SRBD1: variants seen among roughly 807,000 people sequenced by gnomAD.
SRBD1 encodes the protein S1 RNA-binding domain-containing protein 1.
SRBD1 carries 88 observed loss-of-function variants against 115.3 expected under a neutral mutation model. The ratio of observed to expected loss-of-function variants is 0.76; its 90% CI spans 0.64 to 0.91. SRBD1 has a LOEUF of 0.91. SRBD1 is among the 40% of genes least tolerant of loss of function. The pLI is 0.00. For missense variants in SRBD1, 1,385 were observed against 1,177.4 expected, an observed-to-expected ratio of 1.18 and a Z score of -2.58; for synonymous variants, 509 against 407.7, an observed-to-expected ratio of 1.25 and a Z score of -2.99.
At chr2:45,389,851 A>G (rs549071188) in intron 20 of SRBD1, among the ~76,000 whole-genome samples, 29 of 152,342 alleles carry the variant, frequency 1.9e-4, no homozygotes, top group African/African-American at 7.0e-4. Flanking sequence ...AGCATTATAC[A>G]TAAGGATCGA....
chr2:45,531,118 T>C (rs1017546590), intron 14 of SRBD1, among the ~76,000 whole-genome samples: 2 of 151,832 alleles, frequency 1.3e-5, no homozygotes, highest in African/African-American at 2.4e-5. Flanking sequence ...TTACAGTCTG[T>C]CTCAAATATC....
intron 14 of SRBD1, among the ~76,000 whole-genome samples, chr2:45,532,723 G>C (rs1558459474): frequency 1.3e-5 from 2 of 151,674 alleles, no homozygotes; most frequent in South Asian, 2.1e-4. Context: ...GAACTTAAAA[G>C]AGGTATTTCA....
intron 14 of SRBD1, among the ~76,000 whole-genome samples, chr2:45,505,864 T>C (rs762585209): frequency 3.9e-5 from 6 of 152,176 alleles, no homozygotes; most frequent in Non-Finnish European, 8.8e-5. Context: ...TCAGACTTCT[T>C]TCTATTTAGA....
At position 45,605,410 on chromosome 2, in the gene SRBD1, T is replaced by G; in HGVS notation, c.32A>C (p.Gln11Pro). 6.2e-7 allele frequency: 1 copy of G among 1,613,794 alleles called. No individual in the cohort carries two copies. The highest frequency in any genetic ancestry group is 1.1e-5 in the South Asian group (1 of 91,070). Reference sequence around the variant, plus strand: ...ATCTTTCAGTACCACATCCTGGACCTGTACTTTCGCTCTTCTTGGCAATGA... The same window carrying G: ...ATCTTTCAGTACCACATCCTGGACCGGTACTTTCGCTCTTCTTGGCAATGA... MSSLPRRAKV[Q>P]VQDVVLKDEF... The change falls in exon 2 of 21, where the codon CAG becomes CCG. Residue 11 changes from glutamine (Q) to proline (P), a missense_variant. By Grantham distance (76) the Gln-to-Pro change is moderately conservative (BLOSUM62 -1). Transcript: ENST00000263736.
intron 5 of SRBD1, 106 bp from the exon 6 acceptor site, chr2:45,581,916 T>C: frequency 2.4e-6 from 2 of 819,118 alleles, no homozygotes; most frequent in South Asian, 2.9e-5. Flanking sequence ...AAAGGAACTT[T>C]ATTGTCTCTG....
chr2:45,496,316 G>GT (rs141826356), intron 14 of SRBD1, among the ~76,000 whole-genome samples: 4,587 of 151,926 alleles, frequency 0.03, 96 homozygotes, highest in Middle Eastern at 0.058. Context: ...ATCTAATAAC[G>GT]TAAGACAGAA....
chr2:45,572,770 T>C (rs921083013), intron 9 of SRBD1, among the ~76,000 whole-genome samples: 1 of 152,142 alleles, frequency 6.6e-6, no homozygotes, highest in Non-Finnish European at 1.5e-5. Flanking sequence ...GAAAAAAAAT[T>C]AGTAAACTGA....
At chr2:45,465,004 C>A (rs1669438219) in intron 16 of SRBD1, among the ~76,000 whole-genome samples, 1 of 66,880 alleles carries the variant, frequency 1.5e-5, no homozygotes, top group Non-Finnish European at 3.0e-5. Flanking sequence ...AGATTGTACA[C>A]ACACACACAC....
At chr2:45,461,199 G>C (rs1025884116) in intron 16 of SRBD1, among the ~76,000 whole-genome samples, 5 of 152,304 alleles carry the variant, frequency 3.3e-5, no homozygotes, top group South Asian at 2.1e-4. Flanking sequence ...CCACTCCAAA[G>C]AAGCAGAGAT....
intron 16 of SRBD1, among the ~76,000 whole-genome samples, chr2:45,455,775 A>G (rs1237290231): frequency 1.3e-5 from 2 of 151,890 alleles, no homozygotes; most frequent in Admixed American, 1.3e-4. Context: ...AAATAAAAAA[A>G]TAACAGTGGT....
intron 8 of SRBD1, 126 bp from the exon 9 acceptor site, chr2:45,573,468 C>T (rs1250197421): frequency 1.8e-6 from 2 of 1,106,718 alleles, no homozygotes; most frequent in Non-Finnish European, 1.2e-6. Context: ...TAATGATGCC[C>T]AGCTATGAAA....
At chr2:45,409,746 T>C (rs1258233482) in intron 19 of SRBD1, among the ~76,000 whole-genome samples, 1 of 152,102 alleles carries the variant, frequency 6.6e-6, no homozygotes, top group African/African-American at 2.4e-5. Context: ...TAGCAGCAAA[T>C]TTTAAAAACT....
chr2:45,514,577 T>C (rs1671066556), intron 14 of SRBD1, among the ~76,000 whole-genome samples: 1 of 152,126 alleles, frequency 6.6e-6, no homozygotes, highest in Non-Finnish European at 1.5e-5. Context: ...ATAATTTTCT[T>C]ATATGCCTAC....
Position 45,389,715 on chromosome 2 carries a change from G to C in SRBD1, c.2699-116C>G, listed in dbSNP as rs572724021. ...GCCCAGACCAATATTAAAGATTAAG[G>C]GGGGATTATAAAAGGAGCTGCAGAC... On this transcript the variant is annotated intron_variant, in intron 20 of 20. Coordinates refer to ENST00000263736, the MANE Select transcript of SRBD1 (RefSeq NM_018079.5). 1.1e-5 allele frequency: 12 copies of C among 1,047,692 alleles called. No homozygotes were observed. The South Asian group carries it at 1.9e-4, about 17-fold the overall frequency. 64.9% of individuals were successfully genotyped at this position (1,047,692 alleles called of 1,614,324 possible).
In SRBD1 at chr2:45,417,143, A is replaced by G. The variant is rs1371122446; in HGVS notation, c.2333+1222T>C. ...TTGTGACTTCTAGGTTTCATGATCT[A>G]TTTAGAAAGAATTTCCATCACTCTA... On this transcript the variant is annotated intron_variant, in intron 18 of 20. Coordinates refer to ENST00000263736, the MANE Select transcript of SRBD1 (RefSeq NM_018079.5). 2.0e-5 allele frequency among the ~76,000 whole-genome samples: 3 copies of G among 152,294 alleles called. No individual in the cohort carries two copies. In the East Asian group the frequency reaches 5.8e-4, roughly 29 times the overall value.
At chr2:45,460,823 AC>A (rs1174157686) in intron 16 of SRBD1, among the ~76,000 whole-genome samples, 1 of 152,344 alleles carries the variant, frequency 6.6e-6, no homozygotes, top group East Asian at 1.9e-4. Context: ...GAGAGGCCCA[AC>A]CAATGCCATT....
At chr2:45,463,088 C>G (rs973982776) in intron 16 of SRBD1, among the ~76,000 whole-genome samples, 1 of 149,632 alleles carries the variant, frequency 6.7e-6, no homozygotes, top group Non-Finnish European at 1.5e-5. Flanking sequence ...ATTAGAATTC[C>G]TTTCCATGAT....
intron 11 of SRBD1, among the ~76,000 whole-genome samples, chr2:45,552,347 G>A (rs1262127608): frequency 1.3e-5 from 2 of 152,078 alleles, no homozygotes; most frequent in African/African-American, 4.8e-5. Context: ...TTTTAACCAT[G>A]GGCATTTTAG....
At chr2:45,429,225 G>A (rs932893241) in intron 16 of SRBD1, among the ~76,000 whole-genome samples, 9 of 152,012 alleles carry the variant, frequency 5.9e-5, no homozygotes, top group African/African-American at 2.2e-4. Flanking sequence ...GTACAAAGAG[G>A]AGGCAGTACC....
Sources: gnomAD v4.1 joint callset for allele counts (sites outside exome capture counted in the v4.1 genomes callset) on GRCh38, gnomAD v4.1.1 for gene constraint, MANE v1.5 for transcripts, NCBI Gene and HGNC (gene_info 2026-07-23, HGNC 2026-07-21) for gene names.